The following ACAD11 variants were observed in gnomAD, a reference collection of about 807,000 sequenced individuals.
ACAD11 encodes acyl-CoA dehydrogenase family member 11.
Under a neutral mutation model 102.2 loss-of-function variants are expected in ACAD11, and 83 were observed. That is an observed-to-expected ratio of 0.81 (90% confidence interval 0.68 to 0.97). The LOEUF (loss-of-function observed/expected upper bound fraction) is 0.97, where lower values mean the gene tolerates loss of function less well. ACAD11 is among the 50% of genes least tolerant of loss of function. The probability of loss-of-function intolerance (pLI) is 0.00; values close to 1 mark genes in which losing one functional copy is unlikely to be tolerated. For synonymous variants in ACAD11, 324 were observed against 319.8 expected (o/e 1.01, Z -0.14); for missense variants, 901 against 951.7 (o/e 0.95, Z 0.70).
intron 11 of ACAD11, among the ~76,000 whole-genome samples, chr3:132,612,433 C>A (rs1274430111): frequency 6.6e-6 from 1 of 151,986 alleles, no homozygotes; most frequent in Non-Finnish European, 1.5e-5. Flanking sequence ...TCAGAGTGAA[C>A]AGGCAACCTA....
Position 132,618,738 on chromosome 3 carries a change from A to C in ACAD11, c.1310T>G (p.Phe437Cys). Residue 437 changes from phenylalanine to cysteine, a missense_variant, in exon 11 of 20, where the codon TTT becomes TGT. Coordinates refer to ENST00000264990, the MANE Select transcript of ACAD11 (RefSeq NM_032169.5). ...GCTGAGTCCGCTGACAGCTGGCAAA[A>C]ACAAGTTCCAGAGACCCTCGACTTT... The part of the protein sequence containing the change: ...MAKVEGLWNL[F>C]LPAVSGLSHV... 6.2e-7 allele frequency: 1 copy of C among 1,600,040 alleles called. No individual in the cohort carries two copies. The highest frequency in any genetic ancestry group is 8.5e-7 in the Non-Finnish European group (1 of 1,174,504).
chr3:132,601,044 T>C (rs1434355557), intron 13 of ACAD11: 5 of 1,613,858 alleles, frequency 3.1e-6, no homozygotes, highest in Non-Finnish European at 4.2e-6. Flanking sequence ...TTTCTTATTA[T>C]GGGGGTGTGC....
At chr3:132,595,278 G>A (rs1187765264) in intron 13 of ACAD11, among the ~76,000 whole-genome samples, 1 of 152,160 alleles carries the variant, frequency 6.6e-6, no homozygotes, top group Non-Finnish European at 1.5e-5. Flanking sequence ...ATTGTGACTG[G>A]TATGCTCTCA....
At chr3:132,635,855 C>T (rs997402311) in intron 5 of ACAD11, among the ~76,000 whole-genome samples, 5 of 151,632 alleles carry the variant, frequency 3.3e-5, no homozygotes, top group Non-Finnish European at 5.9e-5. Flanking sequence ...TTATATTATA[C>T]TATAAATTTA....
At chr3:132,600,474 A>G (rs1311385528) in intron 13 of ACAD11, 6 of 1,613,644 alleles carry the variant, frequency 3.7e-6, no homozygotes, top group Non-Finnish European at 5.1e-6. Context: ...GACTACAGTC[A>G]ATATGAACTG....
In ACAD11 at chr3:132,630,136, G is replaced by A. The variant is rs189696730; in HGVS notation, c.963+301C>T. On this transcript the variant is annotated intron_variant, in intron 7 of 19. Coordinates refer to ENST00000264990, the MANE Select transcript of ACAD11 (RefSeq NM_032169.5). ...AAAGATTTTAGCTTTTTCTCACACT[G>A]GATATTCAGGAAATGACTAATCCTT... Among the ~76,000 whole-genome samples the A allele has an allele frequency of 2.2e-4, 34 of 152,138 alleles. No individual in the cohort carries two copies. In the East Asian group the frequency reaches 6.0e-3, roughly 27 times the overall value.
chr3:132,600,596 G>A, intron 13 of ACAD11: 1 of 1,613,864 alleles, frequency 6.2e-7, no homozygotes, highest in Non-Finnish European at 8.5e-7. Flanking sequence ...GGCAATTTAT[G>A]CCTATTACAA....
chr3:132,585,467 T>C (rs1163275558), intron 13 of ACAD11, among the ~76,000 whole-genome samples: 2 of 152,134 alleles, frequency 1.3e-5, no homozygotes, highest in Non-Finnish European at 2.9e-5. Context: ...CCAAAAGCAA[T>C]GTCAACAAAA....
chr3:132,606,843 C>T (rs1027301408), intron 11 of ACAD11, among the ~76,000 whole-genome samples: 2 of 152,238 alleles, frequency 1.3e-5, no homozygotes, highest in African/African-American at 2.4e-5. Flanking sequence ...AGGGAGACAC[C>T]TCCCAACAGG....
At chr3:132,583,833 G>T (rs1399995493) in intron 13 of ACAD11, among the ~76,000 whole-genome samples, 1 of 152,140 alleles carries the variant, frequency 6.6e-6, no homozygotes, top group African/African-American at 2.4e-5. Flanking sequence ...GGAGCAGGTT[G>T]TTCAGTTTCC....
At chr3:132,587,482 A>G (rs921883649) in intron 13 of ACAD11, among the ~76,000 whole-genome samples, 2 of 151,564 alleles carry the variant, frequency 1.3e-5, no homozygotes, top group Non-Finnish European at 2.9e-5. Flanking sequence ...TATGTTTTCT[A>G]TTTCTCTTCT....
intron 12 of ACAD11, among the ~76,000 whole-genome samples, chr3:132,604,572 T>G (rs1209051521): frequency 2.0e-5 from 3 of 152,202 alleles, no homozygotes; most frequent in Non-Finnish European, 4.4e-5. Flanking sequence ...TTTTTTCTAT[T>G]GAAGAGTTCT....
chr3:132,559,071 C>T lies in ACAD11; in HGVS notation c.2243G>A (p.Arg748Gln), dbSNP rs981593610. ...AGGTCCATCTGCTAAACGCAAAACT[C>T]GGGTTATAGCATACCTGAAAAAGCA... ...YPLANMYAIT[R>Q]VLRLADGPDE... Residue 748 changes from arginine to glutamine, a missense_variant, in exon 20 of 20, where the codon CGA (arginine) becomes CAA (glutamine). Coordinates refer to ENST00000264990, the MANE Select transcript of ACAD11 (RefSeq NM_032169.5). The T allele has an allele frequency of 7.4e-6, 12 of 1,612,690 alleles. No individual in the cohort carries two copies. The highest frequency in any genetic ancestry group is 1.0e-5 in the Non-Finnish European group (12 of 1,179,138).
intron 9 of ACAD11, among the ~76,000 whole-genome samples, chr3:132,620,652 T>C (rs1939572370): frequency 6.6e-6 from 1 of 152,164 alleles, no homozygotes; most frequent in East Asian, 1.9e-4. Flanking sequence ...AAATTAAAAG[T>C]ATAACAAAGG....
chr3:132,587,086 A>G (rs959073071), intron 13 of ACAD11, among the ~76,000 whole-genome samples: 1 of 152,202 alleles, frequency 6.6e-6, no homozygotes, highest in Non-Finnish European at 1.5e-5. Context: ...CAACAAGAGC[A>G]AAACTCTGTC....
At chr3:132,597,623 T>C (rs771943814) in intron 13 of ACAD11, among the ~76,000 whole-genome samples, 2 of 152,136 alleles carry the variant, frequency 1.3e-5, no homozygotes, top group Non-Finnish European at 2.9e-5. Context: ...CTGATTTTTT[T>C]TTTATTCTCA....
intron 13 of ACAD11, among the ~76,000 whole-genome samples, chr3:132,579,864 C>CT (rs1559937891): frequency 6.6e-6 from 1 of 152,074 alleles, no homozygotes; most frequent in Non-Finnish European, 1.5e-5. Flanking sequence ...GCTAGAAAAG[C>CT]TGAGAAATTT....
At chr3:132,609,027 G>A (rs1938990676) in intron 11 of ACAD11, among the ~76,000 whole-genome samples, 1 of 152,138 alleles carries the variant, frequency 6.6e-6, no homozygotes, top group South Asian at 2.1e-4. Flanking sequence ...TGAACAACCT[G>A]CTCCTGAATG....
At chr3:132,631,112 C>T (rs539180995) in intron 6 of ACAD11, among the ~76,000 whole-genome samples, 1 of 151,870 alleles carries the variant, frequency 6.6e-6, no homozygotes, top group South Asian at 2.1e-4. Context: ...GTGTAAAAAA[C>T]GTGCACGTTG....
Sources: allele counts gnomAD v4.1 joint callset (sites outside exome capture counted in the v4.1 genomes callset), GRCh38; gene constraint gnomAD v4.1.1; transcripts MANE v1.5; gene names NCBI Gene and HGNC (gene_info 2026-07-23, HGNC 2026-07-21).